MAX: variants seen among roughly 807,000 people sequenced by gnomAD.
MAX encodes protein max.
A neutral mutation model predicts 22.3 loss-of-function variants in MAX; 3 were observed. The observed-to-expected ratio is 0.13, with a 90% CI of 0.06 to 0.35. MAX has a LOEUF of 0.35. MAX is among the 10% of genes least tolerant of loss of function. MAX has a pLI of 1.00. For synonymous variants in MAX, 72 were observed against 77.7 expected (o/e 0.93, Z 0.39); for missense variants, 119 against 209.4 (o/e 0.57, Z 2.66).
Position 65,078,530 on chromosome 14 carries a change from GTTGTTT to G in MAX, c.172-500_172-495del, listed in dbSNP as rs899834771. Among the ~76,000 whole-genome samples the G allele has an allele frequency of 1.4e-5, 2 of 140,934 alleles. No individual in the cohort carries two copies. Among genetic ancestry groups the G allele is most frequent in the African/African-American group, 5.1e-5 (2 of 38,998 alleles). The allele number at this position is 140,934 out of a possible 152,430, so 92.5% of individuals were successfully genotyped here. On this transcript the variant is annotated intron_variant, in intron 3 of 4. Transcript: ENST00000358664. This position sits in a 1 kb window ranked among gnomAD's most constrained non-coding sequence, Gnocchi z 6.4. The stretch of plus-strand genomic sequence containing the variant: ...CCAGCCTGTTGTTGTTGTTGTTGTT[GTTGTTT>G]TTTTTTTTTTGGAGACGTAGTCTCG...
chr14:65,010,745 T>TTTTG (rs1321549963), intron 3 of MAX, among the ~76,000 whole-genome samples: 4 of 152,148 alleles, frequency 2.6e-5, no homozygotes, highest in Non-Finnish European at 4.4e-5. Flanking sequence ...ATCCTTGTTT[T>TTTTG]TTTGTTTGTT....
At position 65,032,655 on chromosome 14, in the gene MAX, C is replaced by T. The variant is rs1392245633; in HGVS notation, c.172-26371G>A. The T allele has an allele frequency of 1.2e-6, 2 of 1,613,974 alleles. No individual in the cohort carries two copies. The highest frequency in any genetic ancestry group is 2.2e-5 in the South Asian group (2 of 91,042). ...CCGTAGCCTCGCTGACCAACATCATCACTCCAGACCTCTTTGAGGGCACTG... is the reference window on the plus strand; with the variant it reads ...CCGTAGCCTCGCTGACCAACATCATTACTCCAGACCTCTTTGAGGGCACTG... On this transcript the variant is annotated intron_variant, in intron 3 of 3. Transcript: ENST00000341653. The surrounding 1 kb of genome is among the most constrained non-coding windows in gnomAD (Gnocchi z 5.0).
At position 65,044,708 on chromosome 14, in the gene MAX, A is replaced by C. The variant is rs1488830485; in HGVS notation, c.172-38424T>G. On this transcript the variant is annotated intron_variant, in intron 3 of 3. Coordinates refer to the MAX transcript ENST00000341653. The surrounding 1 kb of genome is among the most constrained non-coding windows in gnomAD (Gnocchi z 5.5). ...AAATTGCTACGGGGAGCGGGGAGGA[A>C]GTGGGCGCTGCTTCTGCGTTATCTG... is the stretch of plus-strand genomic sequence containing the variant. 4.1e-6 allele frequency: 2 copies of C among 492,260 alleles called. No individual in the cohort carries two copies. The highest frequency in any genetic ancestry group is 6.9e-6 in the Non-Finnish European group (2 of 291,674). 30.5% of individuals were successfully genotyped at this position (492,260 alleles called of 1,614,324 possible). A position where few individuals can be genotyped will look rare whatever the true frequency, so the allele number is the denominator to read the frequency against.
intron 3 of MAX, among the ~76,000 whole-genome samples, chr14:65,042,492 C>G (rs1471080680): frequency 6.6e-6 from 1 of 152,148 alleles, no homozygotes. Context: ...TGCTGCTGAT[C>G]TGTCAGGAAG....
chr14:65,078,390 A>G lies in MAX; in HGVS notation c.172-354T>C, dbSNP rs2063117572. Among the ~76,000 whole-genome samples the G allele has an allele frequency of 1.3e-5, 2 of 152,002 alleles. No individual in the cohort carries two copies. The highest frequency in any genetic ancestry group is 2.4e-5 in the African/African-American group (1 of 41,442). On this transcript the variant is annotated intron_variant, in intron 3 of 4. Transcript: ENST00000358664. This position sits in a 1 kb window ranked among gnomAD's most constrained non-coding sequence, Gnocchi z 6.4. ...CTAATTTTTTTGTATTTTTAGTAGAAATGCGGTTTCACCATGTTAGCCAGG... is the reference window on the plus strand; with the variant it reads ...CTAATTTTTTTGTATTTTTAGTAGAGATGCGGTTTCACCATGTTAGCCAGG...
At chr14:65,086,014 T>C (rs2063326394) in intron 3 of MAX, among the ~76,000 whole-genome samples, 1 of 152,170 alleles carries the variant, frequency 6.6e-6, no homozygotes, top group Admixed American at 6.5e-5. Flanking sequence ...GTCTTTCCCA[T>C]GTTGTTCTTG....
chr14:65,077,982 T>C lies in MAX; in HGVS notation c.226A>G (p.Arg76Gly), dbSNP rs2063104682. 1 of 1,614,208 alleles carries C rather than the reference T, an allele frequency of 6.2e-7. No individual in the cohort carries two copies. The highest frequency in any genetic ancestry group is 1.1e-5 in the South Asian group (1 of 91,090). ...KATEYIQYMR[R>G]KNHTHQQDID... Reference sequence around the variant, plus strand: ...TCTTGCTGGTGTGTGTGGTTTTTCCTTCGCATATACTGGATATATTCTGTG... The same window carrying C: ...TCTTGCTGGTGTGTGTGGTTTTTCCCTCGCATATACTGGATATATTCTGTG... Residue 76 changes from arginine to glycine, a missense_variant, in exon 4 of 5, where the codon AGG becomes GGG. Transcript: ENST00000358664. This position sits in a 1 kb window ranked among gnomAD's most constrained non-coding sequence, Gnocchi z 6.3.
chr14:65,015,619 T>TCC (rs752436863), intron 3 of MAX: 8 of 1,614,060 alleles, frequency 5.0e-6, no homozygotes, highest in Non-Finnish European at 5.9e-6. Context: ...CCTGTCTCTC[T>TCC]CCCAGTGTCT....
chr14:65,024,477 TTC>T (rs756587988), intron 3 of MAX, among the ~76,000 whole-genome samples: 2 of 152,218 alleles, frequency 1.3e-5, no homozygotes, highest in Non-Finnish European at 2.9e-5. Flanking sequence ...GGTCTCTGTA[TTC>T]TTTTATTAGC....
intron 3 of MAX, among the ~76,000 whole-genome samples, chr14:65,086,000 G>A (rs750463749): frequency 6.6e-6 from 1 of 152,186 alleles, no homozygotes; most frequent in Non-Finnish European, 1.5e-5. Context: ...AATCATGGGG[G>A]TTGGTCTTTC....
chr14:65,051,942 C>A (rs1048137335), intron 3 of MAX, among the ~76,000 whole-genome samples: 1 of 151,692 alleles, frequency 6.6e-6, no homozygotes, highest in African/African-American at 2.4e-5. Context: ...CTACAGGCGC[C>A]CACCACCATG....
intron 3 of MAX, chr14:65,006,299 G>A: frequency 6.2e-7 from 1 of 1,612,778 alleles, no homozygotes; most frequent in Non-Finnish European, 8.5e-7. Flanking sequence ...GGAAGGAAAG[G>A]AGGAAAAATA....
Position 65,075,130 on chromosome 14 carries a change from G to A in MAX, c.*1346C>T. The A allele has an allele frequency of 9.8e-7, 1 of 1,017,830 alleles. No homozygotes were observed. The highest frequency in any genetic ancestry group is 1.2e-6 in the Non-Finnish European group (1 of 848,998). The allele number at this position is 1,017,830 out of a possible 1,614,324, so 63.0% of individuals were successfully genotyped here. A position where few individuals can be genotyped will look rare whatever the true frequency, so the allele number is the denominator to read the frequency against. ...GTAAGAAGACACCACCACCAAGAAG[G>A]ATAAAATAAGTTTTTATTTATAGTC... On this transcript the variant is annotated 3_prime_UTR_variant, in exon 5 of 5. Transcript: ENST00000358664. This position sits in a 1 kb window ranked among gnomAD's most constrained non-coding sequence, Gnocchi z 4.1.
intron 3 of MAX, among the ~76,000 whole-genome samples, chr14:65,068,597 G>A (rs1272266354): frequency 3.3e-5 from 5 of 151,986 alleles, no homozygotes; most frequent in Non-Finnish European, 7.4e-5. Context: ...ATGTTCCAAT[G>A]CTACATTATT....
chr14:65,037,748 A>ATTTATTT (rs1566562870), intron 3 of MAX, among the ~76,000 whole-genome samples: 1 of 75,748 alleles, frequency 1.3e-5, no homozygotes, highest in South Asian at 4.2e-4. Flanking sequence ...TTTATTATTT[A>ATTTATTT]TTTATTTATT....
At chr14:65,085,152 C>CTTACT (rs1039741501) in intron 3 of MAX, among the ~76,000 whole-genome samples, 1 of 152,142 alleles carries the variant, frequency 6.6e-6, no homozygotes, top group African/African-American at 2.4e-5. Flanking sequence ...TGAGATCATA[C>CTTACT]TTACTTTTGA....
chr14:65,060,416 C>T (rs1296043738), intron 3 of MAX, among the ~76,000 whole-genome samples: 1 of 146,780 alleles, frequency 6.8e-6, no homozygotes, highest in African/African-American at 2.6e-5. Context: ...TGGTGAAACC[C>T]TGTCTCTACT....
intron 2 of MAX, among the ~76,000 whole-genome samples, chr14:65,100,678 T>C (rs1044165477): frequency 1.3e-5 from 2 of 152,170 alleles, no homozygotes; most frequent in African/African-American, 2.4e-5. Flanking sequence ...CTATCAAATA[T>C]TAGACACTCT....
chr14:65,085,656 G>A (rs1595146093), intron 3 of MAX, among the ~76,000 whole-genome samples: 1 of 152,280 alleles, frequency 6.6e-6, no homozygotes, highest in Non-Finnish European at 1.5e-5. Flanking sequence ...AGAGGTTCAA[G>A]GGAGAGTTCT....
Sources: gnomAD v4.1 joint callset for allele counts (sites outside exome capture counted in the v4.1 genomes callset) on GRCh38, gnomAD v4.1.1 for gene constraint, Gnocchi (gnomAD v3.1) non-coding constraint, MANE v1.5 for transcripts, NCBI Gene and HGNC (gene_info 2026-07-23, HGNC 2026-07-21) for gene names.